Variants in PDE4B observed in about 807,000 individuals in gnomAD.
PDE4B encodes the protein 3',5'-cyclic-AMP phosphodiesterase 4B.
PDE4B carries 20 observed loss-of-function variants against 82.2 expected under a neutral mutation model. The observed-to-expected ratio is 0.24, with a 90% CI of 0.17 to 0.35. The LOEUF (loss-of-function observed/expected upper bound fraction) is 0.35, where lower values mean the gene tolerates loss of function less well. PDE4B is among the 10% of genes least tolerant of loss of function. The pLI is 1.00. For missense variants in PDE4B, 655 were observed against 907.2 expected, an observed-to-expected ratio of 0.72 and a Z score of 3.57; for synonymous variants, 320 against 318.9, an observed-to-expected ratio of 1.00 and a Z score of -0.04.
At chr1:65,803,892 T>A (rs1003377195) in intron 1 of PDE4B, among the ~76,000 whole-genome samples, 27 of 152,190 alleles carry the variant, frequency 1.8e-4, no homozygotes, top group Admixed American at 3.9e-4. Flanking sequence ...TTTCTAACCA[T>A]GGCAAATGTC....
intron 15 of PDE4B, 87 bp from the exon 16 acceptor site, chr1:66,368,700 A>C (rs540692331): frequency 9.6e-7 from 1 of 1,039,692 alleles, no homozygotes; most frequent in Non-Finnish European, 1.3e-6. Context: ...CGGGTTTAGT[A>C]CCAAGCGTAC....
intron 8 of PDE4B, among the ~76,000 whole-genome samples, chr1:66,350,060 C>T (rs1308428484): frequency 6.6e-6 from 1 of 151,964 alleles, no homozygotes; most frequent in African/African-American, 2.4e-5. Context: ...TGTACCACTG[C>T]AGTTTCGACT....
chr1:65,888,343 A>G (rs904292373), intron 1 of PDE4B, among the ~76,000 whole-genome samples: 3 of 152,138 alleles, frequency 2.0e-5, no homozygotes, highest in Non-Finnish European at 4.4e-5. Context: ...TGTTTTAGTT[A>G]TGACAGTCTT....
chr1:66,178,576 C>T (rs1208629427), intron 3 of PDE4B, among the ~76,000 whole-genome samples: 1 of 152,018 alleles, frequency 6.6e-6, no homozygotes, highest in Non-Finnish European at 1.5e-5. Context: ...TCTTTAAAAA[C>T]AGAAAAATGA....
intron 1 of PDE4B, among the ~76,000 whole-genome samples, chr1:65,859,556 T>C (rs1037973370): frequency 2.6e-5 from 4 of 152,184 alleles, no homozygotes; most frequent in African/African-American, 9.6e-5. Flanking sequence ...GTATTCAGTT[T>C]TGTTGTAGAA....
rs1646179328 is a variant in PDE4B at position 66,141,886 on chromosome 1, A to G, written c.282-105574A>G. Among the ~76,000 whole-genome samples, 6 of 152,142 alleles carry G rather than the reference A, an allele frequency of 3.9e-5. No individual in the cohort carries two copies. In the South Asian group the frequency reaches 1.2e-3, roughly 31 times the overall value. Reference sequence around the variant, plus strand: ...AACATAGTTGACTCTTGAACAACATAGGCATTAGGGGTGCTGAACCCTCGC... The same window carrying G: ...AACATAGTTGACTCTTGAACAACATGGGCATTAGGGGTGCTGAACCCTCGC... On this transcript the variant is annotated intron_variant, in intron 3 of 16. Transcript: ENST00000341517.
intron 3 of PDE4B, among the ~76,000 whole-genome samples, chr1:66,095,674 G>A (rs1645100692): frequency 6.6e-6 from 1 of 151,882 alleles, no homozygotes; most frequent in Admixed American, 6.6e-5. Context: ...GATATATGAT[G>A]TCATGGATTG....
At chr1:65,863,030 TG>T (rs1208295797) in intron 1 of PDE4B, among the ~76,000 whole-genome samples, 1 of 152,172 alleles carries the variant, frequency 6.6e-6, no homozygotes. Flanking sequence ...GGAGGGTTTT[TG>T]TGTCTCTGTC....
Position 65,965,192 on chromosome 1 carries a change from A to G in PDE4B, c.281+46357A>G, listed in dbSNP as rs1388250731. 3.3e-5 allele frequency among the ~76,000 whole-genome samples: 5 copies of G among 152,248 alleles called. No individual in the cohort carries two copies. In the East Asian group the frequency reaches 9.6e-4, roughly 29 times the overall value. ...TGAGTGGGGGTAACCTAGAGGAGTGAAAACACCTTGGGTAACATGAATTGA... is the reference window on the plus strand; with the variant it reads ...TGAGTGGGGGTAACCTAGAGGAGTGGAAACACCTTGGGTAACATGAATTGA... On this transcript the variant is annotated intron_variant, in intron 3 of 16. Coordinates refer to ENST00000341517, the MANE Select transcript of PDE4B (RefSeq NM_002600.4).
At chr1:65,971,497 A>G (rs375237147) in intron 3 of PDE4B, among the ~76,000 whole-genome samples, 5 of 152,150 alleles carry the variant, frequency 3.3e-5, no homozygotes, top group East Asian at 3.8e-4. Context: ...GGAGATTTCT[A>G]AGGGAATCAT....
chr1:66,170,824 T>C (rs943690172), intron 3 of PDE4B, among the ~76,000 whole-genome samples: 2 of 152,154 alleles, frequency 1.3e-5, no homozygotes, highest in Admixed American at 6.6e-5. Flanking sequence ...CAAGCAATAA[T>C]TTGTGTAGTT....
intron 3 of PDE4B, among the ~76,000 whole-genome samples, chr1:66,194,890 G>T (rs368358347): frequency 6.6e-6 from 1 of 152,058 alleles, no homozygotes; most frequent in South Asian, 2.1e-4. Flanking sequence ...AAGGTTGCTC[G>T]TGAGAATTAA....
intron 9 of PDE4B, among the ~76,000 whole-genome samples, chr1:66,361,073 A>G (rs553991801): frequency 6.6e-6 from 1 of 152,186 alleles, no homozygotes; most frequent in East Asian, 1.9e-4. Flanking sequence ...TATTTCTAAC[A>G]TATATACTGC....
At chr1:66,112,948 G>A (rs940035660) in intron 3 of PDE4B, 5 of 152,162 alleles carry the variant, frequency 3.3e-5, no homozygotes, top group Admixed American at 1.3e-4. Flanking sequence ...CCCAAGCGAT[G>A]GGATTATATT....
chr1:65,930,941 G>A lies in PDE4B; in HGVS notation c.281+12106G>A, dbSNP rs541579831. 3.9e-5 allele frequency among the ~76,000 whole-genome samples: 6 copies of A among 152,286 alleles called. No homozygotes were observed. The South Asian group carries it at 8.3e-4, about 21-fold the overall frequency. Reference sequence around the variant, plus strand: ...GCAGAATGATGTGGTTTGAATCTGTGTCCTCACTCAAATCTCATGTTCAAT... The same window carrying A: ...GCAGAATGATGTGGTTTGAATCTGTATCCTCACTCAAATCTCATGTTCAAT... On this transcript the variant is annotated intron_variant, in intron 3 of 16. Transcript: ENST00000341517.
At chr1:66,072,196 A>G (rs921312999) in intron 3 of PDE4B, among the ~76,000 whole-genome samples, 17 of 152,138 alleles carry the variant, frequency 1.1e-4, no homozygotes, top group Admixed American at 3.9e-4. Flanking sequence ...CATGAATACC[A>G]TGTAGGCTGC....
chr1:66,167,135 G>A (rs1646749895), intron 3 of PDE4B, among the ~76,000 whole-genome samples: 1 of 152,124 alleles, frequency 6.6e-6, no homozygotes, highest in African/African-American at 2.4e-5. Flanking sequence ...TATTGGAAAA[G>A]TTTGCCAGTT....
chr1:66,188,596 T>C (rs886851870), intron 3 of PDE4B, among the ~76,000 whole-genome samples: 1 of 150,318 alleles, frequency 6.7e-6, no homozygotes, highest in Admixed American at 6.6e-5. Flanking sequence ...GTAATGGCCT[T>C]CTTTGTCTCT....
Position 66,368,067 on chromosome 1 carries a change from T to C in PDE4B, c.1662+2T>C. On this transcript the variant is annotated splice_donor_variant, in intron 15 of 16. Transcript: ENST00000341517. LOFTEE classifies it high-confidence loss of function. The stretch of plus-strand genomic sequence containing the variant: ...GACAACTATACCGATCGCATTCAGG[T>C]ATTTGAGGAAAGTCTTTGATTTAAC... 1 of 1,612,372 alleles carries C rather than the reference T, an allele frequency of 6.2e-7. No homozygotes were observed. The highest frequency in any genetic ancestry group is 1.1e-5 in the South Asian group (1 of 90,640).
Sources: allele counts gnomAD v4.1 joint callset (sites outside exome capture counted in the v4.1 genomes callset), GRCh38; gene constraint gnomAD v4.1.1; transcripts MANE v1.5; gene names NCBI Gene and HGNC (gene_info 2026-07-23, HGNC 2026-07-21).